The following SYMPK variants were observed in gnomAD, a reference collection of about 807,000 sequenced individuals.
The protein encoded by SYMPK is symplekin.
Under a neutral mutation model 136.4 loss-of-function variants are expected in SYMPK, and 49 were observed. The observed-to-expected ratio is 0.36, with a 90% CI of 0.29 to 0.46. The LOEUF (loss-of-function observed/expected upper bound fraction) is 0.46. Among genes scored for constraint, SYMPK ranks in the 20% least tolerant of loss-of-function variants. The pLI is 1.00. For missense variants in SYMPK, 1,365 were observed against 1,690.0 expected, an observed-to-expected ratio of 0.81 and a Z score of 3.37; for synonymous variants, 766 against 713.0, an observed-to-expected ratio of 1.07 and a Z score of -1.19.
At position 45,817,113 on chromosome 19, in the gene SYMPK, C is replaced by G. The variant is rs1013298060; in HGVS notation, c.3082-139G>C. 1.1e-5 allele frequency: 9 copies of G among 845,826 alleles called. No homozygotes were observed. The African/African-American group carries it at 1.3e-4, about 12-fold the overall frequency. The allele number at this position is 845,826 out of a possible 1,614,324, so 52.4% of individuals were successfully genotyped here. A position where few individuals can be genotyped will look rare whatever the true frequency, so the allele number is the denominator to read the frequency against. On this transcript the variant is annotated intron_variant, in intron 23 of 26. Coordinates refer to ENST00000245934, the MANE Select transcript of SYMPK (RefSeq NM_004819.3). ...CCTCTGGATGGGCAACAAGCAGCCCCGACCTCCCTCCAGAGGCCTTTGTCT... is the reference window on the plus strand; with the variant it reads ...CCTCTGGATGGGCAACAAGCAGCCCGGACCTCCCTCCAGAGGCCTTTGTCT...
Position 45,815,954 on chromosome 19 carries a change from C to T in SYMPK, c.3584G>A (p.Gly1195Glu), listed in dbSNP as rs547665401. ...SEEAMDFREE[G>E]PECETPGIFI... ...GATGCCCGGGGTCTCGCACTCAGGCCCCTCCTCCCGGAAATCCATGGCTTC... is the reference window on the plus strand; with the variant it reads ...GATGCCCGGGGTCTCGCACTCAGGCTCCTCCTCCCGGAAATCCATGGCTTC... The change falls in exon 26 of 27, where the codon GGG (glycine) becomes GAG (glutamate). Residue 1195 changes from glycine (G) to glutamate (E), a missense_variant. By Grantham distance (98) the Gly-to-Glu change is moderately conservative. Transcript: ENST00000245934. 4 of 1,611,078 alleles carry T rather than the reference C, an allele frequency of 2.5e-6. No individual in the cohort carries two copies. The highest frequency in any genetic ancestry group is 2.2e-5 in the East Asian group (1 of 44,856).
intron 6 of SYMPK, 93 bp from the exon 7 acceptor site, chr19:45,848,094 C>G: frequency 1.4e-6 from 2 of 1,424,994 alleles, no homozygotes; most frequent in East Asian, 2.3e-5. Flanking sequence ...CCCAGAGAAC[C>G]ATGAATGATG....
intron 10 of SYMPK, among the ~76,000 whole-genome samples, chr19:45,836,156 A>G (rs1046016211): frequency 6.6e-6 from 1 of 151,016 alleles, no homozygotes; most frequent in African/African-American, 2.4e-5. Context: ...ATCTCAGCTC[A>G]CTGCAACCTC....
chr19:45,835,001 G>C (rs1971270839), intron 11 of SYMPK, 77 bp downstream of exon 11: 1 of 1,354,750 alleles, frequency 7.4e-7, no homozygotes, highest in Admixed American at 2.4e-5. Flanking sequence ...ACCACGAGAA[G>C]TTGCTCTTCC....
At chr19:45,827,648 A>C in intron 15 of SYMPK, 25 bp from the exon 16 acceptor site, 1 of 1,600,756 alleles carries the variant, frequency 6.2e-7, no homozygotes. Context: ...AAGGGACCCG[A>C]GCTCAGCCCA....
intron 1 of SYMPK, chr19:45,862,414 T>C (rs8112594): frequency 0.099 from 15,079 of 152,192 alleles, 754 homozygotes; most frequent in African/African-American, 0.1. Flanking sequence ...CAACGAACAT[T>C]AGCTGGGCGT....
Position 45,825,172 on chromosome 19 carries a change from G to A in SYMPK, c.2489C>T (p.Pro830Leu), listed in dbSNP as rs901205986. Residue 830 changes from proline (P) to leucine (L), a missense_variant and splice_region_variant, in exon 18 of 27, where the codon CCG becomes CTG. Around this residue, in one of 11 missense-constraint regions of SYMPK, gnomAD observed 92 missense variants for 198.6 expected, o/e 0.46. Transcript: ENST00000245934. ...KRTVLRVIEQ[P>L]IRGMGMNSPE... ...GCCTGGTGGGCTCAGGGGCCTCACCGGCTGCTCAATGACCCTCAGCACCGT... is the reference window on the plus strand; with the variant it reads ...GCCTGGTGGGCTCAGGGGCCTCACCAGCTGCTCAATGACCCTCAGCACCGT... 2 of 1,612,548 alleles carry A rather than the reference G, an allele frequency of 1.2e-6. No homozygotes were observed. The highest frequency in any genetic ancestry group is 1.7e-6 in the Non-Finnish European group (2 of 1,179,434).
At chr19:45,824,906 T>C (rs1452381382) in intron 18 of SYMPK, among the ~76,000 whole-genome samples, 2 of 152,214 alleles carry the variant, frequency 1.3e-5, no homozygotes, top group African/African-American at 4.8e-5. Flanking sequence ...CCATTTTTAC[T>C]GACGGGCCCA....
At chr19:45,834,500 CTTTGAGCTATGTTTAGCTCAT>C in intron 11 of SYMPK, among the ~76,000 whole-genome samples, 2 of 146,268 alleles carry the variant, frequency 1.4e-5, no homozygotes, top group East Asian at 4.0e-4. Context: ...ATATAATTAC[CTTTGAGCTATGTTTAGCTCAT>C]TATGAGCTAA....
intron 10 of SYMPK, among the ~76,000 whole-genome samples, chr19:45,837,979 G>A (rs1175581490): frequency 6.6e-6 from 1 of 152,138 alleles, no homozygotes; most frequent in East Asian, 1.9e-4. Flanking sequence ...ACCCAGGCCT[G>A]AGGCTCACTG....
intron 3 of SYMPK, among the ~76,000 whole-genome samples, chr19:45,853,790 C>T (rs1204972944): frequency 6.6e-6 from 1 of 152,182 alleles, no homozygotes; most frequent in African/African-American, 2.4e-5. Flanking sequence ...GCCCTGCCCA[C>T]ACTGGGTCAT....
In SYMPK at chr19:45,816,939, G is replaced by A; in HGVS notation, c.3117C>T (p.Ile1039=). ...WKYPKVWEGF[I]KCCQRTKPQS... is the part of the protein sequence containing the mutation. ...GGGGCTTTGTGCGCTGGCAGCACTT[G>A]ATGAAGCCCTCCCACACCTTGGGGT... Residue 1039 remains isoleucine, a synonymous_variant, in exon 24 of 27, where the codon ATC becomes ATT. Transcript: ENST00000245934. 1 of 1,561,612 alleles carries A rather than the reference G, an allele frequency of 6.4e-7. No homozygotes were observed. The highest frequency in any genetic ancestry group is 8.7e-7 in the Non-Finnish European group (1 of 1,152,826).
At chr19:45,859,903 C>G (rs976149245) in intron 1 of SYMPK, among the ~76,000 whole-genome samples, 1 of 135,282 alleles carries the variant, frequency 7.4e-6, no homozygotes, top group Non-Finnish European at 1.5e-5. Context: ...AGCTGGGCAT[C>G]GATATCATGC....
intron 7 of SYMPK, 24 bp from the exon 8 acceptor site, chr19:45,844,224 G>C (rs1323354990): frequency 6.5e-7 from 1 of 1,533,132 alleles, no homozygotes; most frequent in Admixed American, 2.0e-5. Flanking sequence ...AGGAGAACCA[G>C]TCAGTGGGAT....
intron 1 of SYMPK, among the ~76,000 whole-genome samples, chr19:45,859,999 A>T (rs948854927): frequency 6.7e-6 from 1 of 148,766 alleles, no homozygotes; most frequent in African/African-American, 2.5e-5. Context: ...GCATGGTGCC[A>T]TGAACCTTTA....
chr19:45,816,416 C>T (rs1970738628), intron 25 of SYMPK, 66 bp downstream of exon 25: 1 of 1,545,838 alleles, frequency 6.5e-7, no homozygotes, highest in Admixed American at 2.0e-5. Flanking sequence ...CCATGGTGAG[C>T]CTTGCTGGCT....
chr19:45,841,481 C>A (rs370565010), intron 9 of SYMPK, among the ~76,000 whole-genome samples: 1 of 152,134 alleles, frequency 6.6e-6, no homozygotes, highest in East Asian at 1.9e-4. Flanking sequence ...TTAGTAGAGA[C>A]GGGGTTTTTC....
rs556899242 is a variant in SYMPK at position 45,836,503 on chromosome 19, C to T, written c.1243-1275G>A. Reference sequence around the variant, plus strand: ...AAACTTAGCTGGGCGTGGTGGCAGGCACCTGTAGTCCCAGCTACTCGGGAG... The same window carrying T: ...AAACTTAGCTGGGCGTGGTGGCAGGTACCTGTAGTCCCAGCTACTCGGGAG... On this transcript the variant is annotated intron_variant, in intron 10 of 26. Transcript: ENST00000245934. 5.9e-5 allele frequency among the ~76,000 whole-genome samples: 9 copies of T among 151,392 alleles called. No individual in the cohort carries two copies. In the South Asian group the frequency reaches 1.5e-3, roughly 25 times the overall value.
At chr19:45,859,593 C>G (rs1473899037) in intron 1 of SYMPK, among the ~76,000 whole-genome samples, 2 of 152,004 alleles carry the variant, frequency 1.3e-5, no homozygotes, top group South Asian at 2.1e-4. Flanking sequence ...GAGCAAGACT[C>G]TGTCTCAAAA....
Sources: allele counts gnomAD v4.1 joint callset (sites outside exome capture counted in the v4.1 genomes callset), GRCh38; gene constraint gnomAD v4.1.1; regional missense constraint gnomAD v4.1.1; transcripts MANE v1.5; gene names NCBI Gene and HGNC (gene_info 2026-07-23, HGNC 2026-07-21).